The following CFAP74 variants were observed in gnomAD, a reference collection of about 807,000 sequenced individuals.
CFAP74 encodes cilia- and flagella-associated protein 74.
In CFAP74, 124 loss-of-function variants were observed where a neutral mutation model predicts 188.9. That is an observed-to-expected ratio of 0.66 (90% CI 0.57 to 0.76). The LOEUF (loss-of-function observed/expected upper bound fraction) is 0.76. Among genes scored for constraint, CFAP74 ranks in the 30% least tolerant of loss-of-function variants. The pLI is 0.00. For synonymous variants in CFAP74, 956 were observed against 916.7 expected (o/e 1.04, Z -0.77); for missense variants, 2,198 against 2,165.2 (o/e 1.02, Z -0.30).
At chr1:1,946,496 T>C in intron 19 of CFAP74, 57 bp from the exon 20 acceptor site, 1 of 1,473,458 alleles carries the variant, frequency 6.8e-7, no homozygotes, top group Non-Finnish European at 9.0e-7. Flanking sequence ...TAAGATCCCT[T>C]CCCAACCCTC....
chr1:1,955,597 T>A (rs1423478095), intron 18 of CFAP74, 94 bp downstream of exon 18: 1 of 1,611,976 alleles, frequency 6.2e-7, no homozygotes. Context: ...TTCTCTACTT[T>A]CCAGCCCTCC....
chr1:1,928,989 C>T, intron 26 of CFAP74, 107 bp from the exon 27 acceptor site: 1 of 687,584 alleles, frequency 1.5e-6, no homozygotes, highest in Non-Finnish European at 2.4e-6. Context: ...CTCAAGGTCA[C>T]CTCCCCCTTG....
At chr1:1,970,293 G>A (rs1335477975) in intron 10 of CFAP74, among the ~76,000 whole-genome samples, 1 of 151,838 alleles carries the variant, frequency 6.6e-6, no homozygotes, top group Non-Finnish European at 1.5e-5. Flanking sequence ...TTCCCTGGAG[G>A]GGCCTGGTGC....
chr1:1,968,570 C>T lies in CFAP74; in HGVS notation c.1245+65G>A, dbSNP rs1655643002. On this transcript the variant is annotated intron_variant, in intron 11 of 38. Coordinates refer to ENST00000682832, the MANE Select transcript of CFAP74 (RefSeq NM_001304360.2). The surrounding 1 kb of genome is among the most constrained non-coding windows in gnomAD (Gnocchi z 4.3). ...CAGAGGATGTCTCACCACACCTGAGCCCTGAGGCCCCACCTGCCCTCCACA... is the reference window on the plus strand; with the variant it reads ...CAGAGGATGTCTCACCACACCTGAGTCCTGAGGCCCCACCTGCCCTCCACA... The T allele has an allele frequency of 5.0e-6, 7 of 1,400,998 alleles. No homozygotes were observed. The highest frequency in any genetic ancestry group is 7.0e-6 in the Non-Finnish European group (7 of 1,004,300). The allele number at this position is 1,400,998 out of a possible 1,614,324, so 86.8% of individuals were successfully genotyped here.
At chr1:1,984,528 C>T (rs1657111891) in intron 6 of CFAP74, 2 of 152,142 alleles carry the variant, frequency 1.3e-5, no homozygotes, top group African/African-American at 4.8e-5. Context: ...ACCCCTCCCA[C>T]TGCCCACACA....
At chr1:1,958,450 G>A (rs1654823883) in intron 16 of CFAP74, among the ~76,000 whole-genome samples, 4 of 152,250 alleles carry the variant, frequency 2.6e-5, no homozygotes, top group African/African-American at 7.2e-5. Context: ...GGGGCTGGCC[G>A]CAGAGGGCTT....
intron 1 of CFAP74, among the ~76,000 whole-genome samples, chr1:1,993,611 A>G (rs1396710030): frequency 6.6e-6 from 1 of 151,140 alleles, no homozygotes; most frequent in South Asian, 2.1e-4. Flanking sequence ...TTAGACCTTA[A>G]ATATGTGATT....
At chr1:1,936,729 C>T (rs1652922560) in intron 25 of CFAP74, among the ~76,000 whole-genome samples, 1 of 151,762 alleles carries the variant, frequency 6.6e-6, no homozygotes, top group South Asian at 2.1e-4. Flanking sequence ...CATAGTGAGA[C>T]CCCATCTCTA....
Position 1,961,330 on chromosome 1 carries a change from A to G in CFAP74, c.1695-1300T>C, listed in dbSNP as rs142347984. Among the ~76,000 whole-genome samples, 14 of 152,254 alleles carry G rather than the reference A, an allele frequency of 9.2e-5. No individual in the cohort carries two copies. In the East Asian group the frequency reaches 2.7e-3, roughly 29 times the overall value. The stretch of plus-strand genomic sequence containing the variant: ...TGAGGTCTAAGAAAAATCAGCCCAC[A>G]CCAGACGCACAGCAGAGCTGCGGGA... On this transcript the variant is annotated intron_variant, in intron 14 of 38. Transcript: ENST00000682832.
chr1:1,996,356 A>G (rs981292894), intron 1 of CFAP74, among the ~76,000 whole-genome samples: 1 of 152,212 alleles, frequency 6.6e-6, no homozygotes, highest in Admixed American at 6.5e-5. Context: ...AAAGAAAGGC[A>G]GGAAGCATAA....
intron 25 of CFAP74, among the ~76,000 whole-genome samples, chr1:1,938,451 C>T (rs972698093): frequency 1.3e-5 from 2 of 150,252 alleles, no homozygotes; most frequent in Non-Finnish European, 3.0e-5. Context: ...CTCACACACA[C>T]ACTCCCACAG....
At chr1:1,982,766 G>A (rs1469659187) in intron 6 of CFAP74, among the ~76,000 whole-genome samples, 3 of 152,214 alleles carry the variant, frequency 2.0e-5, no homozygotes, top group Admixed American at 1.3e-4. Context: ...CTACCTGCCC[G>A]AAATGAGGGT....
In CFAP74 at chr1:1,989,556, G is replaced by T. The variant is rs116692827; in HGVS notation, c.68-583C>A. 3.9e-5 allele frequency among the ~76,000 whole-genome samples: 6 copies of T among 152,100 alleles called. No homozygotes were observed. In the South Asian group the frequency reaches 8.3e-4, roughly 21 times the overall value. ...GCTCTCTGCCACCTTCGCCTCCCAG[G>T]TTCAAGGGATCCTCCCACCTCAGCC... On this transcript the variant is annotated intron_variant, in intron 2 of 38. Transcript: ENST00000682832.
chr1:1,940,314 A>G lies in CFAP74; in HGVS notation c.2703+2T>C. The G allele has an allele frequency of 6.5e-7, 1 of 1,535,274 alleles. No homozygotes were observed. Among genetic ancestry groups the G allele is most frequent in the Non-Finnish European group, 8.7e-7 (1 of 1,146,392 alleles). On this transcript the variant is annotated splice_donor_variant, in intron 23 of 38. Coordinates refer to ENST00000682832, the MANE Select transcript of CFAP74 (RefSeq NM_001304360.2). LOFTEE classifies it high-confidence loss of function. ...ATCCCTGGGAAGTGCCCCAACACAG[A>G]CCTGGTCGGCAACCCATATGGTCAT... is the stretch of plus-strand genomic sequence containing the variant.
chr1:1,934,418 ATG>A (rs1384975274), intron 25 of CFAP74, among the ~76,000 whole-genome samples: 1 of 84,436 alleles, frequency 1.2e-5, no homozygotes, highest in African/African-American at 5.2e-5. Context: ...ACGTGTGTAC[ATG>A]TGTGTTGTAG....
chr1:1,948,901 C>CCTCTTT (rs1653975347), intron 18 of CFAP74, among the ~76,000 whole-genome samples: 1 of 136,956 alleles, frequency 7.3e-6, no homozygotes. Context: ...CTCCCTCCTT[C>CCTCTTT]CCTTCCTTCC....
In CFAP74 at chr1:1,944,424, A is replaced by G; in HGVS notation, c.2393T>C (p.Ile798Thr). 1.3e-6 allele frequency: 2 copies of G among 1,536,050 alleles called. No homozygotes were observed. The highest frequency in any genetic ancestry group is 1.7e-6 in the Non-Finnish European group (2 of 1,146,874). ...TLHFRVVGVA[I>T]DVPVWVPKPS... is the part of the protein sequence containing the mutation. ...CTTCGGCACCCAGACCGGCACATCG[A>G]TGGCCACGCCCACGACCCTGAAATG... The change falls in exon 21 of 39, where the codon ATC (isoleucine) becomes ACC (threonine). Residue 798 changes from isoleucine (I) to threonine (T), a missense_variant. Transcript: ENST00000682832.
In CFAP74 at chr1:1,933,499, A is replaced by G. The variant is rs145243919; in HGVS notation, c.3012-3163T>C. Among the ~76,000 whole-genome samples, 64 of 152,288 alleles carry G rather than the reference A, an allele frequency of 4.2e-4. No homozygotes were observed. The East Asian group carries it at 6.4e-3, about 15-fold the overall frequency. ...CCGGCCCAACTATTCAGGTATTTCTATATTTTTCCTGTGTCCATTGTGTAT... is the reference window on the plus strand; with the variant it reads ...CCGGCCCAACTATTCAGGTATTTCTGTATTTTTCCTGTGTCCATTGTGTAT... On this transcript the variant is annotated intron_variant, in intron 25 of 38. Coordinates refer to ENST00000682832, the MANE Select transcript of CFAP74 (RefSeq NM_001304360.2).
At chr1:1,981,648 G>A (rs1366949572) in intron 6 of CFAP74, among the ~76,000 whole-genome samples, 8 of 58,178 alleles carry the variant, frequency 1.4e-4, no homozygotes, top group South Asian at 1.3e-3. Context: ...ACACACAGCC[G>A]CGGACAGACA....
Sources: allele counts gnomAD v4.1 joint callset (sites outside exome capture counted in the v4.1 genomes callset), GRCh38; gene constraint gnomAD v4.1.1; non-coding constraint Gnocchi (gnomAD v3.1); transcripts MANE v1.5; gene names NCBI Gene and HGNC (gene_info 2026-07-23, HGNC 2026-07-21).